Variants in KIF16B observed in about 807,000 individuals in gnomAD.
KIF16B encodes the protein kinesin-like protein KIF16B.
A neutral mutation model predicts 156.3 loss-of-function variants in KIF16B; 98 were observed. The observed-to-expected ratio is 0.63, with a 90% CI of 0.53 to 0.74. The LOEUF (loss-of-function observed/expected upper bound fraction) is 0.74, where lower values mean the gene tolerates loss of function less well. Ranked by LOEUF, KIF16B falls within the 30% of genes least tolerant of loss-of-function variation. The pLI, the probability that KIF16B is intolerant of heterozygous loss-of-function variation, is 0.00. For missense variants in KIF16B, 1,421 were observed against 1,606.5 expected, an observed-to-expected ratio of 0.88 and a Z score of 1.97; for synonymous variants, 564 against 583.7, an observed-to-expected ratio of 0.97 and a Z score of 0.49.
At chr20:16,376,642 C>A (rs2064958159) in intron 19 of KIF16B, among the ~76,000 whole-genome samples, 1 of 152,206 alleles carries the variant, frequency 6.6e-6, no homozygotes, top group Admixed American at 6.5e-5. Context: ...CTAACAGCCC[C>A]CTTTACTTGG....
intron 25 of KIF16B, among the ~76,000 whole-genome samples, chr20:16,281,345 C>T (rs2063143600): frequency 6.6e-6 from 1 of 152,134 alleles, no homozygotes; most frequent in Non-Finnish European, 1.5e-5. Context: ...ACTTAGAGGT[C>T]TCATTTAACT....
intron 24 of KIF16B, among the ~76,000 whole-genome samples, chr20:16,320,550 C>T (rs1385274899): frequency 6.6e-6 from 1 of 151,886 alleles, no homozygotes; most frequent in East Asian, 1.9e-4. Context: ...GCACACAGAG[C>T]GGAGAAAATA....
intron 22 of KIF16B, among the ~76,000 whole-genome samples, chr20:16,359,438 A>G (rs2064507799): frequency 6.6e-6 from 1 of 152,166 alleles, no homozygotes; most frequent in Non-Finnish European, 1.5e-5. Flanking sequence ...AGGCTTCCCC[A>G]GAATAAGAAG....
chr20:16,323,880 CAT>C (rs2063805890), intron 24 of KIF16B, among the ~76,000 whole-genome samples: 1 of 151,614 alleles, frequency 6.6e-6, no homozygotes, highest in Non-Finnish European at 1.5e-5. Context: ...AATTTGGAAA[CAT>C]AGTTAGCACT....
chr20:16,388,238 T>C (rs2065273759), intron 17 of KIF16B, among the ~76,000 whole-genome samples: 2 of 152,246 alleles, frequency 1.3e-5, no homozygotes, highest in South Asian at 4.1e-4. Flanking sequence ...TATGCAGTGA[T>C]ATGAGTTGCT....
intron 11 of KIF16B, 51 bp from the exon 12 acceptor site, chr20:16,494,401 T>C: frequency 8.1e-7 from 1 of 1,236,256 alleles, no homozygotes; most frequent in Non-Finnish European, 1.2e-6. Context: ...AAGTTTATAA[T>C]TTTCTTCTAG....
chr20:16,526,279 A>G, intron 2 of KIF16B, 74 bp from the exon 3 acceptor site: 1 of 696,742 alleles, frequency 1.4e-6, no homozygotes. Context: ...CCATGTTTAT[A>G]CCCTGACTAA....
chr20:16,563,459 C>T (rs1221927552), intron 1 of KIF16B, among the ~76,000 whole-genome samples: 5 of 152,208 alleles, frequency 3.3e-5, no homozygotes, highest in Non-Finnish European at 5.9e-5. Context: ...TATTCTCTTT[C>T]ACAAAACAAG....
chr20:16,290,252 C>T lies in KIF16B; in HGVS notation c.3796-16841G>A, dbSNP rs114695060. Among the ~76,000 whole-genome samples, 632 of 152,290 alleles carry T rather than the reference C, an allele frequency of 4.1e-3. 3 individuals are homozygous for T. The highest frequency in any genetic ancestry group is 0.014 in the African/African-American group (595 of 41,562). On this transcript the variant is annotated intron_variant, in intron 25 of 25. Coordinates refer to ENST00000354981, the MANE Select transcript of KIF16B (RefSeq NM_024704.5). ...ATCAGGACCTAAAAGACTCGGCCAT[C>T]GAGGAGTAGTTGTACATTATTTGAT...
At chr20:16,315,077 T>C (rs2063677230) in intron 24 of KIF16B, among the ~76,000 whole-genome samples, 1 of 152,004 alleles carries the variant, frequency 6.6e-6, no homozygotes, top group Non-Finnish European at 1.5e-5. Flanking sequence ...ATAGTCACAC[T>C]CACATGCTCA....
intron 1 of KIF16B, among the ~76,000 whole-genome samples, chr20:16,563,187 C>T (rs1178122495): frequency 6.6e-6 from 1 of 152,162 alleles, no homozygotes; most frequent in Non-Finnish European, 1.5e-5. Flanking sequence ...CACAAATGCT[C>T]CGCCCAGGGA....
intron 12 of KIF16B, among the ~76,000 whole-genome samples, chr20:16,461,349 T>C (rs1199721809): frequency 6.6e-6 from 1 of 152,084 alleles, no homozygotes; most frequent in Non-Finnish European, 1.5e-5. Flanking sequence ...CAGAAGCTCA[T>C]GAAACCAATT....
intron 23 of KIF16B, among the ~76,000 whole-genome samples, chr20:16,339,114 T>A (rs1193232675): frequency 6.6e-6 from 1 of 152,152 alleles, no homozygotes; most frequent in African/African-American, 2.4e-5. Flanking sequence ...GCTGTGTTGG[T>A]GCAGGAGAGG....
chr20:16,291,289 A>G (rs928426262), intron 25 of KIF16B, among the ~76,000 whole-genome samples: 1 of 152,200 alleles, frequency 6.6e-6, no homozygotes, highest in Non-Finnish European at 1.5e-5. Flanking sequence ...TCAAAGCCAC[A>G]CTCTAGAAAC....
chr20:16,477,342 A>C (rs1023615517), intron 12 of KIF16B, among the ~76,000 whole-genome samples: 2 of 143,614 alleles, frequency 1.4e-5, no homozygotes, highest in African/African-American at 5.1e-5. Flanking sequence ...TAGTTATTTA[A>C]GCCACACAGT....
intron 15 of KIF16B, among the ~76,000 whole-genome samples, chr20:16,411,922 TG>T (rs1228887193): frequency 1.5e-5 from 2 of 134,978 alleles, no homozygotes; most frequent in African/African-American, 5.9e-5. Flanking sequence ...TGATGAGGAA[TG>T]TTCAACGTGT....
chr20:16,511,563 G>T (rs1474244673), intron 5 of KIF16B, 36 bp from the exon 6 acceptor site: 1 of 1,351,068 alleles, frequency 7.4e-7, no homozygotes, highest in Non-Finnish European at 1.1e-6. Flanking sequence ...TCAGAAAAAT[G>T]ATTTCAGACA....
chr20:16,296,386 A>G (rs1021077274), intron 25 of KIF16B, among the ~76,000 whole-genome samples: 7 of 152,240 alleles, frequency 4.6e-5, no homozygotes, highest in Non-Finnish European at 1.0e-4. Context: ...GCTGTTTAGC[A>G]CTGTGATGTT....
At chr20:16,350,681 T>C (rs1440898982) in intron 23 of KIF16B, among the ~76,000 whole-genome samples, 2 of 150,898 alleles carry the variant, frequency 1.3e-5, no homozygotes. Flanking sequence ...GCAGAATGGC[T>C]CATCAGTGAC....
Sources: allele counts gnomAD v4.1 joint callset (sites outside exome capture counted in the v4.1 genomes callset), GRCh38; gene constraint gnomAD v4.1.1; transcripts MANE v1.5; gene names NCBI Gene and HGNC (gene_info 2026-07-23, HGNC 2026-07-21).